The following PAPLN variants were observed in gnomAD, a reference collection of about 807,000 sequenced individuals.
PAPLN encodes the protein papilin.
PAPLN carries 146 observed loss-of-function variants against 159.0 expected under a neutral mutation model. The observed-to-expected ratio is 0.92, with a 90% CI of 0.80 to 1.05. The LOEUF (loss-of-function observed/expected upper bound fraction) is 1.05. Ranked by LOEUF, PAPLN falls within the 50% of genes least tolerant of loss-of-function variation. The pLI is 0.00. For synonymous variants in PAPLN, 734 were observed against 702.9 expected (o/e 1.04, Z -0.70); for missense variants, 1,720 against 1,743.9 (o/e 0.99, Z 0.24).
intron 1 of PAPLN, chr14:73,239,496 T>G (rs985866672): frequency 2.2e-6 from 1 of 459,042 alleles, no homozygotes; most frequent in Non-Finnish European, 3.8e-6. Context: ...TTTTAATTGC[T>G]CTCTCTTTTT....
chr14:73,254,758 G>A (rs919964543), intron 13 of PAPLN, 63 bp downstream of exon 13: 11 of 1,592,812 alleles, frequency 6.9e-6, no homozygotes, highest in Admixed American at 5.1e-5. Flanking sequence ...GGCTGCACCC[G>A]AGCGCCGTCC....
At chr14:73,264,435 C>A (rs1454997837) in intron 21 of PAPLN, 100 bp downstream of exon 21, 1 of 1,534,160 alleles carries the variant, frequency 6.5e-7, no homozygotes, top group Non-Finnish European at 8.8e-7. Flanking sequence ...CTAGAGGGGC[C>A]CAGGGTGTCT....
At position 73,251,011 on chromosome 14, in the gene PAPLN, C is replaced by T. The variant is rs753234314; in HGVS notation, c.570C>T (p.Asp190=). 1.9e-5 allele frequency: 30 copies of T among 1,612,772 alleles called. No homozygotes were observed. In the Admixed American group the frequency reaches 2.0e-4, roughly 11 times the overall value. ...GCTACCCCGTCGCAGGCACCTTTGA[C>T]GCTAATGACCTCAGCCGAGGTGGGG... ...TTCYPVAGTF[D]ANDLSRGYNQ... is the part of the protein sequence containing the mutation. Residue 190 remains aspartate (D), a synonymous_variant, in exon 7 of 27, where the codon GAC becomes GAT. Transcript: ENST00000644200.
At chr14:73,252,557 TG>T (rs1481558116) in intron 10 of PAPLN, 91 bp from the exon 11 acceptor site, 5 of 1,498,728 alleles carry the variant, frequency 3.3e-6, no homozygotes, top group Non-Finnish European at 4.5e-6. Context: ...GGGGATGACC[TG>T]TGGGGTGAGT....
Position 73,268,540 on chromosome 14 carries a change from T to C in PAPLN, c.3501-17T>C. The C allele has an allele frequency of 1.2e-6, 2 of 1,605,282 alleles. No homozygotes were observed. Among genetic ancestry groups the C allele is most frequent in the East Asian group, 2.2e-5 (1 of 44,614 alleles). On this transcript the variant is annotated splice_polypyrimidine_tract_variant and intron_variant, in intron 25 of 26. Transcript: ENST00000644200. ...CAGAGGCCCTTGATGGCTCTCCCAG[T>C]GTCCTCTCTCCTCCAGGAACGGGCT...
At chr14:73,268,060 G>T (rs531575672) in intron 25 of PAPLN, among the ~76,000 whole-genome samples, 2 of 151,830 alleles carry the variant, frequency 1.3e-5, no homozygotes, top group African/African-American at 4.8e-5. Flanking sequence ...CAGTCTTTAC[G>T]TGACCTGTAG....
chr14:73,252,735 C>T lies in PAPLN; in HGVS notation c.1054C>T (p.Arg352Trp), dbSNP rs200690849. Reference protein sequence around the residue: ...MCQRQPRPADRRSCNLHPCPE... With the variant: ...MCQRQPRPADWRSCNLHPCPE... ...CCAGCGCCAGCCACGGCCAGCTGAC[C>T]GGCGTTCCTGCAATCTTCACCCTTG... Residue 352 changes from arginine (R) to tryptophan (W), a missense_variant, in exon 11 of 27, where the codon CGG becomes TGG. Arg to Trp is a moderately radical substitution (Grantham distance 101, BLOSUM62 -3). Coordinates refer to ENST00000644200, the MANE Select transcript of PAPLN (RefSeq NM_001365906.3). The T allele has an allele frequency of 1.5e-5, 25 of 1,613,466 alleles. No homozygotes were observed. Among genetic ancestry groups the T allele is most frequent in the African/African-American group, 4.0e-5 (3 of 74,924 alleles).
At chr14:73,253,416 C>G (rs1219839995) in intron 11 of PAPLN, among the ~76,000 whole-genome samples, 1 of 152,208 alleles carries the variant, frequency 6.6e-6, no homozygotes, top group Non-Finnish European at 1.5e-5. Context: ...CACAGCCTCT[C>G]CAGGAGCTGC....
At chr14:73,269,022 G>A (rs933156811) in intron 26 of PAPLN, among the ~76,000 whole-genome samples, 4 of 152,152 alleles carry the variant, frequency 2.6e-5, no homozygotes, top group African/African-American at 9.7e-5. Context: ...CAGACTCACC[G>A]ATTTTGAGAC....
chr14:73,250,100 G>T lies in PAPLN; in HGVS notation c.451G>T (p.Asp151Tyr). The T allele has an allele frequency of 6.2e-7, 1 of 1,609,944 alleles. No individual in the cohort carries two copies. Among genetic ancestry groups the T allele is most frequent in the Non-Finnish European group, 8.5e-7 (1 of 1,178,262 alleles). Reference sequence around the variant, plus strand: ...GCCTGGCAAGAGGGATGTCTGTGTGGATGGCAGCTGCCGGGTGAGTGGTGC... The same window carrying T: ...GCCTGGCAAGAGGGATGTCTGTGTGTATGGCAGCTGCCGGGTGAGTGGTGC... ...CEPGKRDVCV[D>Y]GSCRVVGCDH... Residue 151 changes from aspartate to tyrosine, a missense_variant, in exon 6 of 27, where the codon GAT becomes TAT. Transcript: ENST00000644200.
chr14:73,263,501 T>C (rs1273763660), intron 19 of PAPLN, 144 bp from the exon 20 acceptor site: 1 of 1,031,854 alleles, frequency 9.7e-7, no homozygotes, highest in Admixed American at 2.1e-5. Context: ...CTTCTGGGGC[T>C]CTGCCTCCCA....
In PAPLN at chr14:73,252,109, CA is replaced by C; in HGVS notation, c.936del (p.Trp313GlyfsTer159). 6.2e-7 allele frequency: 1 copy of C among 1,609,876 alleles called. No individual in the cohort carries two copies. Among genetic ancestry groups the C allele is most frequent in the Non-Finnish European group, 8.5e-7 (1 of 1,178,352 alleles). On this transcript the variant is annotated frameshift_variant, in exon 10 of 27. Transcript: ENST00000644200. LOFTEE classifies it high-confidence loss of function. ...PSPGFSWSHGSWSDCSAECGG... is the reference protein window; with the variant it reads ...PSPGFSWSHGXWSDCSAECGG... ...CCCGGCTTCAGCTGGAGCCACGGCT[CA>C]TGGAGTGACTGCAGCGCGGAGTGTG... is the stretch of plus-strand genomic sequence containing the variant.
chr14:73,244,811 G>A (rs774448442), intron 3 of PAPLN, 52 bp downstream of exon 3: 4 of 1,429,094 alleles, frequency 2.8e-6, no homozygotes, highest in Non-Finnish European at 3.8e-6. Context: ...AGGGGATGCT[G>A]CCTTCTGGGT....
At chr14:73,264,777 C>A in intron 22 of PAPLN, 51 bp downstream of exon 22, 2 of 1,606,430 alleles carry the variant, frequency 1.2e-6, no homozygotes, top group South Asian at 1.1e-5. Context: ...GGGCCAGGGC[C>A]GGGGGTCTCA....
At chr14:73,250,202 T>C in intron 6 of PAPLN, 88 bp downstream of exon 6, 2 of 1,430,332 alleles carry the variant, frequency 1.4e-6, no homozygotes, top group Admixed American at 2.7e-5. Context: ...TAGGCCCAGG[T>C]AGCTGCCATG....
intron 19 of PAPLN, 24 bp downstream of exon 19, chr14:73,262,851 A>G (rs774634561): frequency 2.1e-6 from 3 of 1,442,350 alleles, no homozygotes; most frequent in Admixed American, 2.7e-5. Flanking sequence ...TCCCCAGGTG[A>G]GGGGGTTAGG....
intron 26 of PAPLN, among the ~76,000 whole-genome samples, chr14:73,270,204 G>A (rs994022235): frequency 1.3e-5 from 2 of 152,076 alleles, no homozygotes; most frequent in Non-Finnish European, 2.9e-5. Context: ...CCACTTGGCC[G>A]GGCAGGCTGC....
chr14:73,263,604 C>T (rs756713992), intron 19 of PAPLN, 41 bp from the exon 20 acceptor site: 26 of 1,612,348 alleles, frequency 1.6e-5, no homozygotes, highest in Admixed American at 5.0e-5. Context: ...CTGGTCCTGG[C>T]GCTCATGCCA....
chr14:73,264,500 G>C (rs987418448), intron 21 of PAPLN, 88 bp from the exon 22 acceptor site: 1 of 1,526,650 alleles, frequency 6.6e-7, no homozygotes, highest in Non-Finnish European at 8.8e-7. Context: ...TCATTTCTCC[G>C]TAAGTCCCTG....
Sources: gnomAD v4.1 joint callset for allele counts (sites outside exome capture counted in the v4.1 genomes callset) on GRCh38, gnomAD v4.1.1 for gene constraint, MANE v1.5 for transcripts, NCBI Gene and HGNC (gene_info 2026-07-23, HGNC 2026-07-21) for gene names.